The following COBLL1 variants were observed in gnomAD, a reference collection of about 807,000 sequenced individuals.
COBLL1 encodes the protein cordon-bleu WH2 repeat protein like 1.
A neutral mutation model predicts 94.8 loss-of-function variants in COBLL1; 50 were observed. The observed-to-expected ratio is 0.53, with a 90% confidence interval of 0.42 to 0.67. The LOEUF is 0.67. Ranked by LOEUF, COBLL1 falls within the 30% of genes least tolerant of loss-of-function variation. COBLL1 has a pLI of 0.00. For synonymous variants in COBLL1, 448 were observed against 473.8 expected (o/e 0.95, Z 0.71); for missense variants, 1,362 against 1,348.7 (o/e 1.01, Z -0.15).
At chr2:164,710,567 T>TTTTTTTTC (rs1684841765) in intron 7 of COBLL1, among the ~76,000 whole-genome samples, 1 of 21,548 alleles carries the variant, frequency 4.6e-5, no homozygotes, top group African/African-American at 9.7e-4. Context: ...AGCAGCATTC[T>TTTTTTTTC]TTTTTTTTTT....
chr2:164,684,879 G>A lies in COBLL1; in HGVS notation c.*1067C>T, dbSNP rs749479042. 10 of 152,106 alleles carry A rather than the reference G, an allele frequency of 6.6e-5. No individual in the cohort carries two copies. The allele number at this position is 152,106 out of a possible 1,614,324, so 9.4% of individuals were successfully genotyped here. A position where few individuals can be genotyped will look rare whatever the true frequency, so the allele number is the denominator to read the frequency against. On this transcript the variant is annotated 3_prime_UTR_variant, in exon 14 of 14. Transcript: ENST00000652658. ...TGTTTGAACAAAGCTTTCAGAATAAGTGAGCAATTAAATTCTTAAAGTAGG... is the reference window on the plus strand; with the variant it reads ...TGTTTGAACAAAGCTTTCAGAATAAATGAGCAATTAAATTCTTAAAGTAGG...
chr2:164,711,563 A>G (rs1036019213), intron 7 of COBLL1, among the ~76,000 whole-genome samples: 1 of 152,202 alleles, frequency 6.6e-6, no homozygotes, highest in Non-Finnish European at 1.5e-5. Flanking sequence ...CATACTTTAA[A>G]GGACTTTAAT....
At chr2:164,771,418 A>G (rs1462185618) in intron 2 of COBLL1, among the ~76,000 whole-genome samples, 2 of 152,030 alleles carry the variant, frequency 1.3e-5, no homozygotes, top group African/African-American at 4.8e-5. Context: ...AAAATTGTGT[A>G]CTGTGTTTCA....
intron 2 of COBLL1, among the ~76,000 whole-genome samples, chr2:164,802,252 T>G (rs1447892919): frequency 6.6e-6 from 1 of 152,174 alleles, no homozygotes; most frequent in East Asian, 1.9e-4. Context: ...TTTGTAAACC[T>G]CACAACATTT....
intron 2 of COBLL1, among the ~76,000 whole-genome samples, chr2:164,767,205 A>G (rs1295585762): frequency 6.6e-6 from 1 of 152,236 alleles, no homozygotes; most frequent in African/African-American, 2.4e-5. Context: ...ATTCAAACAC[A>G]AAACTGCATG....
At chr2:164,745,238 G>T (rs2105567165) in intron 2 of COBLL1, among the ~76,000 whole-genome samples, 1 of 152,170 alleles carries the variant, frequency 6.6e-6, no homozygotes, top group South Asian at 2.1e-4. Flanking sequence ...CTGAAGCAAG[G>T]TTCCTACAAT....
intron 2 of COBLL1, among the ~76,000 whole-genome samples, chr2:164,771,719 G>A (rs1688212418): frequency 6.6e-6 from 1 of 151,918 alleles, no homozygotes; most frequent in South Asian, 2.1e-4. Flanking sequence ...GCCAACTACT[G>A]CATGTGTCTT....
At chr2:164,658,258 C>A (rs1052375208) in intron 2 of COBLL1, among the ~76,000 whole-genome samples, 28 of 152,260 alleles carry the variant, frequency 1.8e-4, no homozygotes, top group African/African-American at 6.5e-4. Flanking sequence ...TCCCCCCTCT[C>A]AACAGGAAAA....
At position 164,674,476 on chromosome 2, in the gene COBLL1, CT is replaced by C. The variant is rs556574321; in HGVS notation, n.127-8576del. 6.6e-5 allele frequency among the ~76,000 whole-genome samples: 10 copies of C among 152,266 alleles called. No individual in the cohort carries two copies. In the East Asian group the frequency reaches 1.9e-3, roughly 29 times the overall value. On this transcript the variant is annotated intron_variant and non_coding_transcript_variant, in intron 1 of 2. Coordinates refer to the COBLL1 transcript ENST00000495084. The stretch of plus-strand genomic sequence containing the variant: ...CAAAATGCCTGGGTTCATGTTCTGG[CT>C]TTCTGTTTACTAGATATGTAATCTT...
chr2:164,769,788 T>C (rs355851), intron 2 of COBLL1, among the ~76,000 whole-genome samples: 152,203 of 152,204 alleles, frequency 1, 76,101 homozygotes, highest in Non-Finnish European at 1. Flanking sequence ...TTGCCACATA[T>C]ACCCCCCCCA....
chr2:164,809,283 T>A (rs1253548957), intron 2 of COBLL1, among the ~76,000 whole-genome samples: 2 of 152,170 alleles, frequency 1.3e-5, no homozygotes, highest in East Asian at 3.9e-4. Flanking sequence ...AAAGCCATTT[T>A]AAAAATGTCC....
intron 2 of COBLL1, chr2:164,837,429 T>C (rs752832685): frequency 1.5e-5 from 7 of 462,494 alleles, no homozygotes; most frequent in South Asian, 1.1e-4. Context: ...GGAAATTACT[T>C]TTGACTATCG....
chr2:164,675,969 T>C (rs895057114), downstream of COBLL1, among the ~76,000 whole-genome samples: 1 of 152,164 alleles, frequency 6.6e-6, no homozygotes, highest in Non-Finnish European at 1.5e-5. Context: ...CCGTGAACTA[T>C]ACTGCAGTTG....
intron 2 of COBLL1, among the ~76,000 whole-genome samples, chr2:164,836,038 C>G (rs1035086025): frequency 6.6e-6 from 1 of 151,944 alleles, no homozygotes; most frequent in African/African-American, 2.4e-5. Flanking sequence ...AATATAAGGT[C>G]ATAATATTGT....
chr2:164,731,947 G>A lies in COBLL1; in HGVS notation c.231-1832C>T, dbSNP rs185395371. Among the ~76,000 whole-genome samples the A allele has an allele frequency of 8.5e-5, 13 of 152,166 alleles. No homozygotes were observed. In the East Asian group the frequency reaches 1.2e-3, roughly 14 times the overall value. On this transcript the variant is annotated intron_variant, in intron 3 of 13. Transcript: ENST00000652658. The stretch of plus-strand genomic sequence containing the variant: ...CAGAGGTGGGGAAGGATTCACTGTC[G>A]GACACTGTGTGGTCTTGAAGTCAAA...
At chr2:164,805,333 CTCTCTATATA>C (rs1488313965) in intron 2 of COBLL1, among the ~76,000 whole-genome samples, 15 of 20,556 alleles carry the variant, frequency 7.3e-4, no homozygotes, top group African/African-American at 1.7e-3. Flanking sequence ...CTCTCTCTCT[CTCTCTATATA>C]TATATATATA....
chr2:164,793,954 A>G (rs1469761841), intron 2 of COBLL1, among the ~76,000 whole-genome samples: 5 of 152,254 alleles, frequency 3.3e-5, no homozygotes, highest in Non-Finnish European at 7.3e-5. Context: ...GTAATGTTAC[A>G]GAAAGTTTTA....
chr2:164,795,855 T>G (rs1053909301), intron 2 of COBLL1, among the ~76,000 whole-genome samples: 1 of 152,174 alleles, frequency 6.6e-6, no homozygotes, highest in Non-Finnish European at 1.5e-5. Flanking sequence ...GACTAAAAAA[T>G]TATGATTCTT....
rs147313099 is a variant in COBLL1, at chr2:164,784,180, G to C, written c.42-40305C>G. ...CATTTCAAAGTATTCACAGCATTTA[G>C]CTCTAACTTCATTCACATTAAGTTT... On this transcript the variant is annotated intron_variant, in intron 2 of 13. Coordinates refer to ENST00000652658, the MANE Select transcript of COBLL1 (RefSeq NM_001365672.2). Among the ~76,000 whole-genome samples, 580 of 152,098 alleles carry C rather than the reference G, an allele frequency of 3.8e-3. 13 individuals carry two copies. Among genetic ancestry groups the C allele is most frequent in the African/African-American group, 0.013 (552 of 41,474 alleles).
Sources: gnomAD v4.1 joint callset for allele counts (sites outside exome capture counted in the v4.1 genomes callset) on GRCh38, gnomAD v4.1.1 for gene constraint, MANE v1.5 for transcripts, NCBI Gene and HGNC (gene_info 2026-07-23, HGNC 2026-07-21) for gene names.